Variants in SLC1A2 observed in about 807,000 individuals in gnomAD.
SLC1A2 encodes solute carrier family 1 member 2.
Under a neutral mutation model 48.8 loss-of-function variants are expected in SLC1A2, and 15 were observed. The observed-to-expected ratio is 0.31, with a 90% CI of 0.21 to 0.47. The LOEUF (loss-of-function observed/expected upper bound fraction) is 0.47. Among genes scored for constraint, SLC1A2 ranks in the 20% least tolerant of loss-of-function variants. The probability of loss-of-function intolerance (pLI) is 0.99; values close to 1 mark genes in which losing one functional copy is unlikely to be tolerated. For synonymous variants in SLC1A2, 279 were observed against 272.6 expected, an observed-to-expected ratio of 1.02 and a Z score of -0.23; for missense variants, 502 against 730.5, an observed-to-expected ratio of 0.69 and a Z score of 3.61.
chr11:35,366,972 A>G (rs1433139164), intron 1 of SLC1A2, among the ~76,000 whole-genome samples: 1 of 152,196 alleles, frequency 6.6e-6, no homozygotes, highest in East Asian at 1.9e-4. Flanking sequence ...TTGAAGCAGA[A>G]CCTGGTCAAA....
At chr11:35,299,763 G>A (rs911025319) in intron 6 of SLC1A2, 1 of 152,094 alleles carries the variant, frequency 6.6e-6, no homozygotes, top group Non-Finnish European at 1.5e-5. Context: ...GACAAGAAAA[G>A]GAGGAAGAGA....
rs1950275450 is a variant in SLC1A2 at position 35,253,808 on chromosome 11, G to A, written c.*7086C>T. Reference sequence around the variant, plus strand: ...CATGTGTGGTTACATAGAAAATACTGTAAGAAAATATGTCTGCAAAATTAC... The same window carrying A: ...CATGTGTGGTTACATAGAAAATACTATAAGAAAATATGTCTGCAAAATTAC... On this transcript the variant is annotated 3_prime_UTR_variant, in exon 11 of 11. Coordinates refer to ENST00000278379, the MANE Select transcript of SLC1A2 (RefSeq NM_004171.4). The A allele has an allele frequency of 1.3e-5, 2 of 152,584 alleles. No individual in the cohort carries two copies. Among genetic ancestry groups the A allele is most frequent in the Non-Finnish European group, 2.9e-5 (2 of 68,014 alleles). The allele number at this position is 152,584 out of a possible 1,614,324, so 9.5% of individuals were successfully genotyped here.
In SLC1A2 at chr11:35,283,744, G is replaced by A. The variant is rs190497103; in HGVS notation, c.1287-2743C>T. Among the ~76,000 whole-genome samples the A allele has an allele frequency of 4.6e-5, 7 of 152,218 alleles. No homozygotes were observed. The East Asian group carries it at 1.4e-3, about 29-fold the overall frequency. On this transcript the variant is annotated intron_variant, in intron 8 of 10. Transcript: ENST00000278379. ...TTTTCATCTTTGAGTTTTAAAGCAA[G>A]GGAGGTTAGTAGTCTCGTGATATCT...
intron 1 of SLC1A2, among the ~76,000 whole-genome samples, chr11:35,404,961 C>T (rs775965018): frequency 1.1e-4 from 17 of 152,030 alleles, no homozygotes; most frequent in Non-Finnish European, 2.1e-4. Context: ...AGGATTCTAG[C>T]ATTTTCCATA....
intron 3 of SLC1A2, among the ~76,000 whole-genome samples, chr11:35,314,785 C>CTTTTTTT (rs5791048): frequency 4.3e-5 from 6 of 141,042 alleles, no homozygotes; most frequent in East Asian, 2.0e-4. Context: ...CTTTTCTTTT[C>CTTTTTTT]TTTTTTTTTT....
chr11:35,355,062 T>C (rs1042469091), intron 1 of SLC1A2, among the ~76,000 whole-genome samples: 17 of 152,192 alleles, frequency 1.1e-4, no homozygotes, highest in Non-Finnish European at 4.4e-5. Context: ...CAGAGAAACA[T>C]GGTAGTTTAA....
intron 1 of SLC1A2, among the ~76,000 whole-genome samples, chr11:35,321,808 C>T (rs4459280): frequency 0.77 from 117,163 of 151,938 alleles, 45,418 homozygotes; most frequent in Middle Eastern, 0.89. Flanking sequence ...CCAGTGGGCA[C>T]GCTTACCCCT....
intron 9 of SLC1A2, among the ~76,000 whole-genome samples, chr11:35,269,878 G>A (rs1012290756): frequency 3.3e-5 from 5 of 152,170 alleles, no homozygotes; most frequent in Non-Finnish European, 7.3e-5. Flanking sequence ...GGGAGGCTGA[G>A]GTGGGTGGAT....
At chr11:35,402,770 A>G (rs977782435) in intron 1 of SLC1A2, among the ~76,000 whole-genome samples, 1 of 152,254 alleles carries the variant, frequency 6.6e-6, no homozygotes, top group Non-Finnish European at 1.5e-5. Flanking sequence ...CTTGCAGGAC[A>G]CCTGCCTGGT....
intron 1 of SLC1A2, among the ~76,000 whole-genome samples, chr11:35,414,126 A>G (rs919692080): frequency 2.6e-5 from 4 of 152,236 alleles, no homozygotes; most frequent in Admixed American, 2.0e-4. Flanking sequence ...GAGATTGCCA[A>G]AAACACCAAA....
intron 7 of SLC1A2, among the ~76,000 whole-genome samples, chr11:35,288,574 A>C (rs748997168): frequency 1.3e-5 from 2 of 152,218 alleles, no homozygotes; most frequent in Non-Finnish European, 2.9e-5. Context: ...GATTGCAAGC[A>C]TTCTCAAATC....
chr11:35,311,892 G>GA lies in SLC1A2; in HGVS notation c.561+305_561+306insT, dbSNP rs10685002. On this transcript the variant is annotated intron_variant, in intron 4 of 10. Transcript: ENST00000278379. ...ATAAGGAGAGAGAGAGAGAGAGAGA[G>GA]GGAGGGAGAGAGAGAGAGAGAGAGA... Among the ~76,000 whole-genome samples the GA allele has an allele frequency of 3.2e-3, 233 of 73,526 alleles. 2 individuals carry two copies. Among genetic ancestry groups the GA allele is most frequent in the African/African-American group, 8.6e-3 (176 of 20,528 alleles). 48.2% of individuals were successfully genotyped at this position (73,526 alleles called of 152,430 possible). A position where few individuals can be genotyped will look rare whatever the true frequency, so the allele number is the denominator to read the frequency against.
chr11:35,366,434 G>A (rs1853852334), intron 1 of SLC1A2, among the ~76,000 whole-genome samples: 2 of 152,310 alleles, frequency 1.3e-5, no homozygotes, highest in East Asian at 1.9e-4. Flanking sequence ...AACTCCTCAG[G>A]AGTAGCCTTC....
intron 1 of SLC1A2, chr11:35,418,680 C>G: frequency 4.0e-6 from 2 of 497,648 alleles, no homozygotes; most frequent in Non-Finnish European, 7.1e-6. Flanking sequence ...AAGAGGATTT[C>G]TTCCTCACAC....
chr11:35,371,930 C>G (rs1854075180), intron 1 of SLC1A2, among the ~76,000 whole-genome samples: 1 of 152,188 alleles, frequency 6.6e-6, no homozygotes, highest in Non-Finnish European at 1.5e-5. Context: ...GTTGGAAAAG[C>G]AAATGCAAAA....
intron 8 of SLC1A2, among the ~76,000 whole-genome samples, chr11:35,285,120 T>C (rs185411628): frequency 2.1e-4 from 32 of 152,318 alleles, no homozygotes; most frequent in African/African-American, 6.5e-4. Context: ...TAATGCCCAA[T>C]GGAAAAAGTC....
At chr11:35,415,836 C>A (rs902368221) in intron 1 of SLC1A2, among the ~76,000 whole-genome samples, 1 of 152,162 alleles carries the variant, frequency 6.6e-6, no homozygotes. Context: ...CTAGCCACCC[C>A]CCACCTCCAA....
At chr11:35,309,368 T>C (rs989512818) in intron 4 of SLC1A2, among the ~76,000 whole-genome samples, 4 of 152,170 alleles carry the variant, frequency 2.6e-5, no homozygotes, top group Non-Finnish European at 4.4e-5. Context: ...CGAGTGAACA[T>C]ACACAGATCA....
At chr11:35,289,371 G>A (rs533752808) in intron 7 of SLC1A2, among the ~76,000 whole-genome samples, 3 of 151,326 alleles carry the variant, frequency 2.0e-5, no homozygotes, top group South Asian at 2.1e-4. Context: ...CATGACTCAC[G>A]CCACATGGCC....
Sources: allele counts gnomAD v4.1 joint callset (sites outside exome capture counted in the v4.1 genomes callset), GRCh38; gene constraint gnomAD v4.1.1; transcripts MANE v1.5; gene names NCBI Gene and HGNC (gene_info 2026-07-23, HGNC 2026-07-21).